The following ANKRD11 variants were observed in gnomAD, a reference collection of about 807,000 sequenced individuals.
The protein encoded by ANKRD11 is ankyrin repeat domain 11.
ANKRD11 carries 17 observed loss-of-function variants against 195.7 expected under a neutral mutation model. The observed-to-expected ratio is 0.09, with a 90% confidence interval of 0.06 to 0.13. ANKRD11 has a LOEUF of 0.13. Ranked by LOEUF, ANKRD11 falls within the 10% of genes least tolerant of loss-of-function variation. The pLI is 1.00. For synonymous variants in ANKRD11, 1,953 were observed against 1,528.1 expected, an observed-to-expected ratio of 1.28 and a Z score of -6.49; for missense variants, 3,735 against 3,566.1, an observed-to-expected ratio of 1.05 and a Z score of -1.21.
chr16:89,396,888 T>C (rs1010772539), intron 2 of ANKRD11, among the ~76,000 whole-genome samples: 1 of 152,164 alleles, frequency 6.6e-6, no homozygotes, highest in Non-Finnish European at 1.5e-5. Context: ...GGTTTCACCA[T>C]GTTGGTCAGG....
At chr16:89,297,088 G>C (rs909687245) in intron 4 of ANKRD11, among the ~76,000 whole-genome samples, 5 of 151,934 alleles carry the variant, frequency 3.3e-5, no homozygotes, top group African/African-American at 1.2e-4. Flanking sequence ...CTCCAAGGCA[G>C]AGACCCTGAG....
intron 1 of ANKRD11, among the ~76,000 whole-genome samples, chr16:89,489,633 G>C (rs1275057164): frequency 6.6e-6 from 1 of 151,926 alleles, no homozygotes; most frequent in Non-Finnish European, 1.5e-5. Context: ...CCCCTCTCGC[G>C]GGTCAGAGGT....
rs2034541214 is a variant in ANKRD11, at chr16:89,284,939, T to A, written c.1603A>T (p.Asn535Tyr). 6.2e-7 allele frequency: 1 copy of A among 1,614,004 alleles called. No individual in the cohort carries two copies. ...GTGTGCTGGTCTGTGTGGCTGGGGT[T>A]CTGCTTCTGGGCGGCAGAGCTCCCG... is the stretch of plus-strand genomic sequence containing the variant. ...SHGSSAAQKQNPSHTDQHTKH... is the reference protein window; with the variant it reads ...SHGSSAAQKQYPSHTDQHTKH... The change falls in exon 9 of 13, where the codon AAC (asparagine) becomes TAC (tyrosine). Residue 535 changes from asparagine (N) to tyrosine (Y), a missense_variant. By Grantham distance (143) the Asn-to-Tyr change is moderately radical (BLOSUM62 -2). Transcript: ENST00000301030.
Position 89,274,985 on chromosome 16 carries a change from T to C in ANKRD11, c.7570-28A>G, listed in dbSNP as rs377763770. The C allele has an allele frequency of 1.5e-4, 250 of 1,613,050 alleles. 2 individuals are homozygous for C. The South Asian group carries it at 2.6e-3, about 17-fold the overall frequency. ...GAAGGAGGAGAGGAGTAGAGTGAGC[T>C]GGGACACAGCCACGCTCCAGGCCCC... On this transcript the variant is annotated intron_variant, in intron 10 of 12. Transcript: ENST00000301030.
chr16:89,336,598 G>A (rs995745904), intron 2 of ANKRD11, among the ~76,000 whole-genome samples: 1 of 152,158 alleles, frequency 6.6e-6, no homozygotes, highest in Non-Finnish European at 1.5e-5. Context: ...TGAGACACAA[G>A]GTTAAAGTGA....
In ANKRD11 at chr16:89,396,269, C is replaced by T. The variant is rs760261490; in HGVS notation, c.-60+22015G>A. Among the ~76,000 whole-genome samples the T allele has an allele frequency of 1.2e-4, 19 of 152,320 alleles. 1 individual carries two copies. Among genetic ancestry groups the T allele is most frequent in the Admixed American group, 2.0e-4 (3 of 15,304 alleles). On this transcript the variant is annotated intron_variant, in intron 2 of 12. Coordinates refer to ENST00000301030, the MANE Select transcript of ANKRD11 (RefSeq NM_013275.6). ...GTGGATCCACGTCGGGAGATGCACA[C>T]GAGTCCCGGGCACCCAATCGGCCCT...
intron 1 of ANKRD11, among the ~76,000 whole-genome samples, chr16:89,439,609 T>C (rs1254588698): frequency 2.6e-5 from 4 of 152,188 alleles, no homozygotes; most frequent in African/African-American, 7.2e-5. Flanking sequence ...GCCTCAGCAA[T>C]TGAGGCTGTG....
chr16:89,278,327 C>G, intron 9 of ANKRD11: 3 of 352,186 alleles, frequency 8.5e-6, no homozygotes, highest in South Asian at 6.2e-5. Context: ...GAGGTGGGAA[C>G]CCAGTCAGGC....
chr16:89,483,814 CAA>C (rs1379249025), intron 1 of ANKRD11, among the ~76,000 whole-genome samples: 24 of 80,772 alleles, frequency 3.0e-4, no homozygotes, highest in Admixed American at 5.4e-4. Context: ...AACTCCATCT[CAA>C]AAAAAAAAAA....
At chr16:89,422,203 C>G (rs148851849) in intron 1 of ANKRD11, 3 of 152,254 alleles carry the variant, frequency 2.0e-5, no homozygotes, top group African/African-American at 7.2e-5. Flanking sequence ...AATCCCAGAA[C>G]TTTAAGAGGC....
intron 1 of ANKRD11, chr16:89,459,165 G>A (rs1205888694): frequency 3.9e-5 from 7 of 178,122 alleles, no homozygotes; most frequent in Non-Finnish European, 8.7e-5. Context: ...TTCAAGGTTG[G>A]GCCAAGAGCA....
intron 2 of ANKRD11, among the ~76,000 whole-genome samples, chr16:89,341,900 AC>A (rs2038686702): frequency 8.6e-6 from 1 of 115,672 alleles, no homozygotes; most frequent in African/African-American, 4.5e-5. Flanking sequence ...CTGCACCTCC[AC>A]CCACAGCGGC....
At chr16:89,405,471 C>A (rs1258615378) in intron 2 of ANKRD11, among the ~76,000 whole-genome samples, 2 of 150,598 alleles carry the variant, frequency 1.3e-5, no homozygotes, top group East Asian at 2.0e-4. Context: ...ACTACAGGCA[C>A]GTGCCACCAC....
intron 2 of ANKRD11, among the ~76,000 whole-genome samples, chr16:89,328,466 G>A (rs111711147): frequency 3.3e-5 from 5 of 152,356 alleles, no homozygotes; most frequent in Middle Eastern, 3.4e-3. Context: ...CGGTGTCCTC[G>A]AAACTGGGTT....
chr16:89,445,556 G>A (rs2043747805), intron 1 of ANKRD11, among the ~76,000 whole-genome samples: 1 of 152,200 alleles, frequency 6.6e-6, no homozygotes, highest in Admixed American at 6.5e-5. Flanking sequence ...CTACTCTGAA[G>A]CAGGAAACAA....
intron 2 of ANKRD11, among the ~76,000 whole-genome samples, chr16:89,347,039 G>A (rs1053183582): frequency 6.6e-6 from 1 of 152,204 alleles, no homozygotes; most frequent in Non-Finnish European, 1.5e-5. Context: ...AGCAGGAAGA[G>A]AAGGCTCTGC....
At chr16:89,315,836 G>T (rs1050445262) in intron 3 of ANKRD11, among the ~76,000 whole-genome samples, 1 of 152,184 alleles carries the variant, frequency 6.6e-6, no homozygotes, top group Admixed American at 6.5e-5. Context: ...TGCTGGTTAT[G>T]TTCGCGTGTG....
chr16:89,403,184 C>T (rs1368265439), intron 2 of ANKRD11, among the ~76,000 whole-genome samples: 1 of 152,178 alleles, frequency 6.6e-6, no homozygotes, highest in Non-Finnish European at 1.5e-5. Context: ...CAGGTGGACC[C>T]CGCACTCCCT....
At chr16:89,478,425 G>A (rs1454171336) in intron 1 of ANKRD11, among the ~76,000 whole-genome samples, 3 of 151,962 alleles carry the variant, frequency 2.0e-5, no homozygotes, top group Non-Finnish European at 4.4e-5. Context: ...TAAGCAACCC[G>A]ACGCCTCCAC....
Sources: gnomAD v4.1 joint callset for allele counts (sites outside exome capture counted in the v4.1 genomes callset) on GRCh38, gnomAD v4.1.1 for gene constraint, MANE v1.5 for transcripts, NCBI Gene and HGNC (gene_info 2026-07-23, HGNC 2026-07-21) for gene names.